GRB2: variants seen among roughly 807,000 people sequenced by gnomAD.
GRB2 encodes the protein growth factor receptor bound protein 2.
GRB2 carries 2 observed loss-of-function variants against 27.4 expected under a neutral mutation model. That is an observed-to-expected ratio of 0.07 (90% CI 0.03 to 0.23). The LOEUF (loss-of-function observed/expected upper bound fraction) is 0.23. GRB2 is among the 10% of genes least tolerant of loss of function. GRB2 has a pLI of 1.00. For synonymous variants in GRB2, 94 were observed against 99.6 expected, an observed-to-expected ratio of 0.94 and a Z score of 0.33; for missense variants, 102 against 282.4, an observed-to-expected ratio of 0.36 and a Z score of 4.58.
At chr17:75,328,079 T>C (rs943627498) in intron 3 of GRB2, among the ~76,000 whole-genome samples, 6 of 152,164 alleles carry the variant, frequency 3.9e-5, no homozygotes, top group African/African-American at 1.4e-4. Context: ...TTGCAGCACT[T>C]TGGGAGGCTG....
chr17:75,333,500 G>A (rs975503401), intron 2 of GRB2, among the ~76,000 whole-genome samples: 3 of 152,146 alleles, frequency 2.0e-5, no homozygotes, highest in South Asian at 4.1e-4. Flanking sequence ...GGAGAGAGAG[G>A]TGTCACAGCA....
intron 2 of GRB2, among the ~76,000 whole-genome samples, chr17:75,391,567 G>C (rs1271694349): frequency 6.6e-6 from 1 of 152,144 alleles, no homozygotes; most frequent in African/African-American, 2.4e-5. Context: ...CCAGCACTTT[G>C]GGAGGCCGAG....
At chr17:75,386,837 T>C (rs2078966867) in intron 2 of GRB2, among the ~76,000 whole-genome samples, 1 of 152,188 alleles carries the variant, frequency 6.6e-6, no homozygotes, top group Non-Finnish European at 1.5e-5. Flanking sequence ...TGAGCAAGTT[T>C]CTTAAGCTTT....
chr17:75,375,748 G>A (rs1313655492), intron 2 of GRB2, among the ~76,000 whole-genome samples: 7 of 152,080 alleles, frequency 4.6e-5, no homozygotes, highest in African/African-American at 1.7e-4. Flanking sequence ...GGGACTGGCC[G>A]GGCGCAGTGG....
intron 2 of GRB2, among the ~76,000 whole-genome samples, chr17:75,387,025 G>C (rs1403482121): frequency 7.8e-6 from 1 of 128,116 alleles, no homozygotes; most frequent in East Asian, 2.6e-4. Flanking sequence ...GCTGGGTGTG[G>C]TGGCGGGTGC....
At chr17:75,325,769 T>C (rs1044141541) in intron 4 of GRB2, 129 bp downstream of exon 4, 3 of 956,610 alleles carry the variant, frequency 3.1e-6, no homozygotes, top group African/African-American at 3.3e-5. Flanking sequence ...AGGATTTTAA[T>C]GTGAAATGAA....
At chr17:75,338,765 G>C (rs1567860306) in intron 2 of GRB2, 1 of 599,896 alleles carries the variant, frequency 1.7e-6, no homozygotes, top group Non-Finnish European at 3.0e-6. Flanking sequence ...GGAATGAGGT[G>C]AGCTTTACAC....
At chr17:75,355,224 C>T (rs2078723989) in intron 2 of GRB2, among the ~76,000 whole-genome samples, 1 of 152,186 alleles carries the variant, frequency 6.6e-6, no homozygotes, top group Non-Finnish European at 1.5e-5. Context: ...TTCCTTTCTT[C>T]TGCATCATCA....
rs61287852 is a variant in GRB2 at position 75,321,169 on chromosome 17, C to CT, written c.468+489dup. The stretch of plus-strand genomic sequence containing the variant: ...AAACCTTGTATTTGAAACAACAAAT[C>CT]TTTTTTTTTTTTTTTTTTTTTTTTT... On this transcript the variant is annotated intron_variant, in intron 5 of 5. Transcript: ENST00000316804. Among the ~76,000 whole-genome samples the CT allele has an allele frequency of 7.2e-3, 864 of 119,984 alleles. 79 individuals are homozygous for CT. The highest frequency in any genetic ancestry group is 0.03 in the African/African-American group (788 of 26,582). The allele number at this position is 119,984 out of a possible 152,430, so 78.7% of individuals were successfully genotyped here.
At chr17:75,355,545 G>GA (rs367781708) in intron 2 of GRB2, among the ~76,000 whole-genome samples, 15,402 of 129,594 alleles carry the variant, frequency 0.12, 1,462 homozygotes, top group African/African-American at 0.28. Context: ...GGCCATACTG[G>GA]AAAAAAAAAA....
At chr17:75,377,413 G>A (rs893086415) in intron 2 of GRB2, among the ~76,000 whole-genome samples, 49 of 151,420 alleles carry the variant, frequency 3.2e-4, no homozygotes, top group African/African-American at 1.1e-3. Flanking sequence ...TTGAGGCCAT[G>A]AGTTCGAGAT....
intron 2 of GRB2, among the ~76,000 whole-genome samples, chr17:75,352,889 T>TC (rs1247514337): frequency 6.8e-6 from 1 of 147,944 alleles, no homozygotes; most frequent in African/African-American, 2.6e-5. Flanking sequence ...TTTTTTTTTT[T>TC]TAAAAGACAT....
intron 3 of GRB2, among the ~76,000 whole-genome samples, chr17:75,331,006 C>G (rs555044266): frequency 2.0e-4 from 30 of 150,084 alleles, no homozygotes; most frequent in African/African-American, 7.6e-4. Flanking sequence ...CTCCCCACCC[C>G]CACAAACAAA....
At position 75,397,533 on chromosome 17, in the gene GRB2, T is replaced by G. The variant is rs80063961; in HGVS notation, c.-137-3768A>C. 6.0e-4 allele frequency among the ~76,000 whole-genome samples: 91 copies of G among 152,330 alleles called. No individual in the cohort carries two copies. The East Asian group carries it at 0.013, about 22-fold the overall frequency. On this transcript the variant is annotated intron_variant, in intron 1 of 5. Transcript: ENST00000316804. ...TATCCTAAAGGTATTTGCAAGATTT[T>G]TTTTCTTTCTTCCATTTAACTCTCT...
intron 2 of GRB2, among the ~76,000 whole-genome samples, chr17:75,376,620 T>C (rs2078895788): frequency 6.6e-6 from 1 of 151,992 alleles, no homozygotes; most frequent in South Asian, 2.1e-4. Flanking sequence ...CCAACGATTA[T>C]AACTTACATA....
intron 1 of GRB2, chr17:75,404,883 C>T (rs1363104012): frequency 7.9e-5 from 12 of 152,146 alleles, no homozygotes; most frequent in Non-Finnish European, 1.5e-5. Flanking sequence ...TACCAGCGCC[C>T]GCTCTCGCCG....
Position 75,341,463 on chromosome 17 carries a change from A to C in GRB2, c.79-8666T>G, listed in dbSNP as rs1458659016. ...TGACTCCATTAAAAAAAAAAAAAAA[A>C]AAAAAACACAAAAGAAAAACAAAGG... On this transcript the variant is annotated intron_variant, in intron 2 of 5. Transcript: ENST00000316804. 7.9e-5 allele frequency among the ~76,000 whole-genome samples: 12 copies of C among 151,250 alleles called. No homozygotes were observed. In the South Asian group the frequency reaches 8.4e-4, roughly 11 times the overall value.
intron 1 of GRB2, among the ~76,000 whole-genome samples, chr17:75,401,276 T>A (rs1486252870): frequency 1.3e-5 from 2 of 151,280 alleles, no homozygotes; most frequent in African/African-American, 4.9e-5. Context: ...AAACCCCGTC[T>A]CTACTAAAAA....
intron 1 of GRB2, among the ~76,000 whole-genome samples, chr17:75,397,816 AATTT>A (rs57166874): frequency 0.017 from 2,539 of 147,884 alleles, 40 homozygotes; most frequent in African/African-American, 0.044. Flanking sequence ...AATCACTCAA[AATTT>A]ATTTATTTAT....
Sources: gnomAD v4.1 joint callset for allele counts (sites outside exome capture counted in the v4.1 genomes callset) on GRCh38, gnomAD v4.1.1 for gene constraint, MANE v1.5 for transcripts, NCBI Gene and HGNC (gene_info 2026-07-23, HGNC 2026-07-21) for gene names.